ACKR3: variants seen among roughly 807,000 people sequenced by gnomAD.
ACKR3 encodes C-X-C chemokine receptor type 7.
In ACKR3, 6 loss-of-function variants were observed where a neutral mutation model predicts 22.4. The observed-to-expected ratio is 0.27, with a 90% CI of 0.15 to 0.53. The LOEUF (loss-of-function observed/expected upper bound fraction) is 0.53. Ranked by LOEUF, ACKR3 falls within the 20% of genes least tolerant of loss-of-function variation. The pLI, the probability that ACKR3 is intolerant of heterozygous loss-of-function variation, is 0.96. For missense variants in ACKR3, 396 were observed against 475.2 expected, an observed-to-expected ratio of 0.83 and a Z score of 1.55; for synonymous variants, 209 against 205.2, an observed-to-expected ratio of 1.02 and a Z score of -0.16.
chr2:236,553,586 A>C, the ACKR3 span, among the ~76,000 whole-genome samples: 5 of 152,260 alleles, frequency 3.3e-5, no homozygotes, highest in Non-Finnish European at 5.9e-5. Flanking sequence ...ATGCAGAAGC[A>C]CCTGCGTAAA....
intron 1 of ACKR3, among the ~76,000 whole-genome samples, chr2:236,571,299 A>G (rs1261044069): frequency 1.3e-5 from 2 of 152,182 alleles, no homozygotes; most frequent in African/African-American, 4.8e-5. Flanking sequence ...ATGTGCACAC[A>G]ACTGCAGAGC....
intron 1 of ACKR3, among the ~76,000 whole-genome samples, chr2:236,575,472 GTGTGCGTGTGTCTGGGGTTGTGC>G (rs1265532171): frequency 1.6e-4 from 23 of 146,622 alleles, no homozygotes; most frequent in African/African-American, 5.9e-4. Flanking sequence ...GTTGTGCTGT[GTGTGCGTGTGTCTGGGGTTGTGC>G]TGTGTGTGTG....
upstream of ACKR3, among the ~76,000 whole-genome samples, chr2:236,566,046 A>G (rs1005315968): frequency 4.6e-5 from 7 of 151,726 alleles, no homozygotes; most frequent in African/African-American, 1.7e-4. Context: ...CACTGTCTCC[A>G]CTCTAACGGG....
intron 1 of ACKR3, among the ~76,000 whole-genome samples, chr2:236,570,610 A>G (rs546998035): frequency 2.0e-5 from 3 of 152,342 alleles, no homozygotes; most frequent in Non-Finnish European, 2.9e-5. Flanking sequence ...GTTAAGTCCA[A>G]CTTCAATTGG....
At chr2:236,539,296 TTTTTC>T in the ACKR3 span, among the ~76,000 whole-genome samples, 9 of 149,712 alleles carry the variant, frequency 6.0e-5, no homozygotes, top group African/African-American at 2.2e-4. Flanking sequence ...ATTATTTTCA[TTTTTC>T]TTTTCTTTTT....
At chr2:236,538,995 G>A in the ACKR3 span, among the ~76,000 whole-genome samples, 1 of 152,120 alleles carries the variant, frequency 6.6e-6, no homozygotes, top group Non-Finnish European at 1.5e-5. Flanking sequence ...TCAGGTTCTA[G>A]GACTTCATGT....
intron 1 of ACKR3, among the ~76,000 whole-genome samples, chr2:236,570,672 C>A (rs1691290548): frequency 6.6e-6 from 1 of 152,198 alleles, no homozygotes; most frequent in Admixed American, 6.5e-5. Context: ...TAAATATACT[C>A]TTCAGGTAAA....
At chr2:236,543,249 G>C in the ACKR3 span, among the ~76,000 whole-genome samples, 3 of 152,190 alleles carry the variant, frequency 2.0e-5, no homozygotes, top group East Asian at 1.9e-4. Context: ...TTGGACTCAG[G>C]GGATGTGGAT....
At chr2:236,559,391 G>A in the ACKR3 span, among the ~76,000 whole-genome samples, 4 of 152,258 alleles carry the variant, frequency 2.6e-5, no homozygotes, top group East Asian at 1.9e-4. Flanking sequence ...TTGTAGAGAC[G>A]TTGAAAATAT....
In ACKR3 at chr2:236,577,165, C is replaced by T. The variant is rs113105820; in HGVS notation, c.-26-3275C>T. Among the ~76,000 whole-genome samples, 3,782 of 152,080 alleles carry T rather than the reference C, an allele frequency of 0.025. 158 individuals carry two copies. The highest frequency in any genetic ancestry group is 0.086 in the African/African-American group (3,586 of 41,462). ...TGATCGGTGAGTGATGATAGGTGGC[C>T]GGTGATCGGTGGGGCAGTGAGGAGC... On this transcript the variant is annotated intron_variant, in intron 1 of 1. Transcript: ENST00000272928. The surrounding 1 kb of genome is among the most constrained non-coding windows in gnomAD (Gnocchi z 5.6).
At chr2:236,543,669 T>C in the ACKR3 span, among the ~76,000 whole-genome samples, 2 of 151,926 alleles carry the variant, frequency 1.3e-5, no homozygotes, top group Non-Finnish European at 2.9e-5. Context: ...TAACTGCAAG[T>C]GAAATCGCAC....
chr2:236,537,555 C>T, the ACKR3 span, among the ~76,000 whole-genome samples: 1 of 152,198 alleles, frequency 6.6e-6, no homozygotes, highest in African/African-American at 2.4e-5. Context: ...CATTGGGCCA[C>T]CCTGGCATAA....
Position 236,574,772 on chromosome 2 carries a change from G to A in ACKR3, c.-27+4848G>A, listed in dbSNP as rs1274397490. ...CCAGGCTGCTTGCTGCAGCACGGTC[G>A]TTGTCAAGGATACTTGGTTGATGAA... On this transcript the variant is annotated intron_variant, in intron 1 of 1. Transcript: ENST00000272928. The surrounding 1 kb of genome is among the most constrained non-coding windows in gnomAD (Gnocchi z 5.6). 1.3e-5 allele frequency among the ~76,000 whole-genome samples: 2 copies of A among 152,196 alleles called. No individual in the cohort carries two copies. The highest frequency in any genetic ancestry group is 2.9e-5 in the Non-Finnish European group (2 of 68,042).
chr2:236,567,597 C>A (rs1691212127), upstream of ACKR3, among the ~76,000 whole-genome samples: 1 of 152,136 alleles, frequency 6.6e-6, no homozygotes, highest in Non-Finnish European at 1.5e-5. Flanking sequence ...GTGGGAGGCC[C>A]AAGGAGACAG....
chr2:236,545,232 C>T, the ACKR3 span, among the ~76,000 whole-genome samples: 1 of 152,180 alleles, frequency 6.6e-6, no homozygotes, highest in Non-Finnish European at 1.5e-5. The surrounding 1 kb of genome is among the most constrained non-coding windows in gnomAD (Gnocchi z 5.3). Context: ...GTGAGACAAA[C>T]GCCCTGACTT....
In ACKR3 at chr2:236,580,805, G is replaced by T. The variant is rs763930150; in HGVS notation, c.340G>T (p.Glu114Ter). ...LVQHNQWPMG[E>*]LTCKVTHLIF... ...GCAGCACAACCAGTGGCCCATGGGC[G>T]AGCTCACGTGCAAAGTCACACACCT... Residue 114 changes from glutamate (E) to a stop codon, truncating the protein, a stop_gained, in exon 2 of 2, where the codon GAG becomes TAG. Transcript: ENST00000272928. LOFTEE classifies it high-confidence loss of function. 6.2e-7 allele frequency: 1 copy of T among 1,614,048 alleles called. No homozygotes were observed. Among genetic ancestry groups the T allele is most frequent in the African/African-American group, 1.3e-5 (1 of 74,916 alleles).
At position 236,580,975 on chromosome 2, in the gene ACKR3, G is replaced by A; in HGVS notation, c.510G>A (p.Leu170=). The change falls in exon 2 of 2, where the codon CTG becomes CTA. Residue 170 remains leucine (L), a synonymous_variant. Coordinates refer to ENST00000272928, the MANE Select transcript of ACKR3 (RefSeq NM_020311.3). The part of the protein sequence containing the change: ...VRRVVCILVW[L]LAFCVSLPDT... ...GTGTCGTCTGCATCCTGGTGTGGCT[G>A]CTGGCCTTCTGCGTGTCTCTGCCTG... 4 of 1,614,140 alleles carry A rather than the reference G, an allele frequency of 2.5e-6. No individual in the cohort carries two copies. The highest frequency in any genetic ancestry group is 2.5e-6 in the Non-Finnish European group (3 of 1,180,038).
rs889872318 is a variant in ACKR3 at position 236,574,687 on chromosome 2, G to A, written c.-27+4763G>A. Among the ~76,000 whole-genome samples the A allele has an allele frequency of 3.9e-5, 6 of 152,134 alleles. No homozygotes were observed. The highest frequency in any genetic ancestry group is 2.1e-4 in the South Asian group (1 of 4,830). On this transcript the variant is annotated intron_variant, in intron 1 of 1. Transcript: ENST00000272928. This position sits in a 1 kb window ranked among gnomAD's most constrained non-coding sequence, Gnocchi z 5.6. ...TCTAAACCTGAGTACCTGTAATTCC[G>A]GCTTCACCCTCAGCTTGCAGAGTGA...
chr2:236,551,948 G>C, the ACKR3 span, among the ~76,000 whole-genome samples: 1 of 152,088 alleles, frequency 6.6e-6, no homozygotes, highest in Non-Finnish European at 1.5e-5. Context: ...AGCTCTGGTC[G>C]GCCTGCTTGT....
Sources: allele counts gnomAD v4.1 joint callset (sites outside exome capture counted in the v4.1 genomes callset), GRCh38; gene constraint gnomAD v4.1.1; non-coding constraint Gnocchi (gnomAD v3.1); transcripts MANE v1.5; gene names NCBI Gene and HGNC (gene_info 2026-07-23, HGNC 2026-07-21).